The following ANK3 variants were observed in gnomAD, a reference collection of about 807,000 sequenced individuals.
ANK3 encodes the protein ankyrin-3.
Under a neutral mutation model 370.9 loss-of-function variants are expected in ANK3, and 57 were observed. That is an observed-to-expected ratio of 0.15 (90% CI 0.12 to 0.19). The LOEUF (loss-of-function observed/expected upper bound fraction) is 0.19. ANK3 is among the 10% of genes least tolerant of loss of function. The probability of loss-of-function intolerance (pLI) is 1.00; values close to 1 mark genes in which losing one functional copy is unlikely to be tolerated. For synonymous variants in ANK3, 1,929 were observed against 1,946.3 expected, an observed-to-expected ratio of 0.99 and a Z score of 0.23; for missense variants, 4,439 against 5,302.1, an observed-to-expected ratio of 0.84 and a Z score of 5.06.
At position 60,076,440 on chromosome 10, in the gene ANK3, T is replaced by G. The variant is rs1309058176; in HGVS notation, c.4441A>C (p.Ser1481Arg). 1.3e-6 allele frequency: 2 copies of G among 1,574,060 alleles called. No individual in the cohort carries two copies. Among genetic ancestry groups the G allele is most frequent in the Non-Finnish European group, 1.7e-6 (2 of 1,161,170 alleles). Residue 1481 changes from serine to arginine, a missense_variant, in exon 37 of 44, where the codon AGT (serine) becomes CGT (arginine). Physicochemically the swap from Ser to Arg is moderately radical, Grantham distance 110 (BLOSUM62 -1). Transcript: ENST00000280772. ...GGGAGGGATCTTGTTGCTCCTGTAC[T>G]CCGTTCAACTGTTTCTTAAATTTTA... ...YLTEPGMIER[S>R]TGATRSLPTT...
intron 2 of ANK3, among the ~76,000 whole-genome samples, chr10:60,604,751 A>G (rs1344509006): frequency 6.6e-6 from 1 of 152,200 alleles, no homozygotes; most frequent in Non-Finnish European, 1.5e-5. Flanking sequence ...CCCATCTATA[A>G]CATTTTCAAT....
chr10:60,088,289 T>C lies in ANK3; in HGVS notation c.3398A>G (p.Tyr1133Cys). Residue 1133 changes from tyrosine to cysteine, a missense_variant, in exon 29 of 44, where the codon TAT becomes TGT. By Grantham distance (194) the Tyr-to-Cys change is radical. Around this residue, in one of 13 missense-constraint regions of ANK3, gnomAD observed 702 missense variants for 941.5 expected, o/e 0.75. Coordinates refer to ENST00000280772, the MANE Select transcript of ANK3 (RefSeq NM_020987.5). ...CRIITKDFPQ[Y>C]FAVVSRIKQE... ...CTTAATCCGGGAAACCACTGCAAAA[T>C]ACTGGGGGAAATCTTTCGTGATAAT... The C allele has an allele frequency of 6.2e-7, 1 of 1,614,156 alleles. No homozygotes were observed. The highest frequency in any genetic ancestry group is 8.5e-7 in the Non-Finnish European group (1 of 1,180,016).
intron 7 of ANK3, among the ~76,000 whole-genome samples, chr10:60,238,119 C>A (rs1565898905): frequency 6.6e-6 from 1 of 152,164 alleles, no homozygotes. Flanking sequence ...AGAAACAAAT[C>A]AAAATGAAAG....
chr10:60,093,177 TC>T (rs1468959571), intron 28 of ANK3, among the ~76,000 whole-genome samples: 2 of 152,312 alleles, frequency 1.3e-5, no homozygotes, highest in East Asian at 3.9e-4. Context: ...CAAATATATT[TC>T]CCTCTCCATG....
At chr10:60,250,586 C>A (rs952320599) in intron 7 of ANK3, among the ~76,000 whole-genome samples, 1 of 152,076 alleles carries the variant, frequency 6.6e-6, no homozygotes, top group Admixed American at 6.5e-5. Context: ...AGGATGGTCT[C>A]GATCTCCTGA....
chr10:60,101,473 G>T (rs999084945), intron 28 of ANK3, among the ~76,000 whole-genome samples: 2 of 152,028 alleles, frequency 1.3e-5, no homozygotes, highest in African/African-American at 4.8e-5. Flanking sequence ...AATTCAGTTC[G>T]CTGCGTTATA....
intron 2 of ANK3, among the ~76,000 whole-genome samples, chr10:60,430,862 G>A (rs1314201621): frequency 2.0e-5 from 3 of 152,118 alleles, no homozygotes; most frequent in African/African-American, 7.2e-5. Flanking sequence ...TGTAAGCCCA[G>A]GTTAAAGGAA....
intron 2 of ANK3, among the ~76,000 whole-genome samples, chr10:60,532,637 G>A (rs1266016647): frequency 6.6e-6 from 1 of 152,070 alleles, no homozygotes; most frequent in Non-Finnish European, 1.5e-5. Context: ...AGTAGAGACT[G>A]GGGGTCGTGG....
intron 16 of ANK3, among the ~76,000 whole-genome samples, chr10:60,194,812 A>G (rs1242653503): frequency 2.0e-5 from 3 of 152,176 alleles, no homozygotes; most frequent in Non-Finnish European, 2.9e-5. Flanking sequence ...TTTAGATTAA[A>G]AGCAAGTTTG....
At chr10:60,370,564 C>A (rs536363791) in intron 1 of ANK3, among the ~76,000 whole-genome samples, 1 of 152,146 alleles carries the variant, frequency 6.6e-6, no homozygotes. Flanking sequence ...ATACTTACAG[C>A]GCAGTAAATG....
intron 28 of ANK3, among the ~76,000 whole-genome samples, chr10:60,092,085 T>C (rs1009370625): frequency 6.6e-6 from 1 of 152,104 alleles, no homozygotes; most frequent in African/African-American, 2.4e-5. Flanking sequence ...CTGTTAGCAA[T>C]GGTTACCTCA....
chr10:60,724,141 C>T (rs1453932944), intron 1 of ANK3, among the ~76,000 whole-genome samples: 2 of 113,250 alleles, frequency 1.8e-5, no homozygotes, highest in Non-Finnish European at 3.5e-5. Context: ...ACCCGGGAGG[C>T]GGAGCTTGCA....
At chr10:60,202,130 A>AT (rs1482811199) in intron 12 of ANK3, among the ~76,000 whole-genome samples, 3 of 151,348 alleles carry the variant, frequency 2.0e-5, no homozygotes, top group East Asian at 3.9e-4. Flanking sequence ...TTTATTTATT[A>AT]TTTTTTTTGA....
intron 12 of ANK3, among the ~76,000 whole-genome samples, chr10:60,201,111 G>C (rs2096666752): frequency 6.6e-6 from 1 of 152,228 alleles, no homozygotes; most frequent in South Asian, 2.1e-4. Context: ...TACTTCCATG[G>C]AAGGACACGT....
At chr10:60,033,093 G>C (rs112275104) in intron 43 of ANK3, among the ~76,000 whole-genome samples, 8 of 152,296 alleles carry the variant, frequency 5.3e-5, no homozygotes, top group African/African-American at 1.7e-4. Context: ...TTAGGAATCT[G>C]TCTTGCTTTG....
At chr10:60,693,039 G>C (rs1452143148) in intron 1 of ANK3, among the ~76,000 whole-genome samples, 1 of 152,204 alleles carries the variant, frequency 6.6e-6, no homozygotes, top group Non-Finnish European at 1.5e-5. Flanking sequence ...AGGTCAGTGG[G>C]TGCAGTGCAC....
At chr10:60,202,107 C>T (rs57700644) in intron 12 of ANK3, among the ~76,000 whole-genome samples, 3,381 of 151,984 alleles carry the variant, frequency 0.022, 116 homozygotes, top group African/African-American at 0.075. Flanking sequence ...AAAATACCCC[C>T]CATACTTTAT....
intron 2 of ANK3, among the ~76,000 whole-genome samples, chr10:60,602,719 G>C (rs866767448): frequency 2.6e-5 from 4 of 151,852 alleles, no homozygotes; most frequent in African/African-American, 9.7e-5. Context: ...TTATAAATAC[G>C]GGCATGATAC....
At chr10:60,309,281 CAAT>C (rs1252633163) in intron 1 of ANK3, among the ~76,000 whole-genome samples, 1 of 152,104 alleles carries the variant, frequency 6.6e-6, no homozygotes, top group Non-Finnish European at 1.5e-5. Flanking sequence ...TGAAGAAACA[CAAT>C]GATGAGATAT....
Sources: gnomAD v4.1 joint callset for allele counts (sites outside exome capture counted in the v4.1 genomes callset) on GRCh38, gnomAD v4.1.1 for gene constraint, gnomAD v4.1.1 regional missense constraint, MANE v1.5 for transcripts, NCBI Gene and HGNC (gene_info 2026-07-23, HGNC 2026-07-21) for gene names.